The following RNF19A variants were observed in gnomAD, a reference collection of about 807,000 sequenced individuals.
RNF19A encodes E3 ubiquitin-protein ligase RNF19A.
RNF19A carries 32 observed loss-of-function variants against 75.7 expected under a neutral mutation model. The observed-to-expected ratio is 0.42, with a 90% CI of 0.32 to 0.57. The LOEUF is 0.57. Ranked by LOEUF, RNF19A falls within the 20% of genes least tolerant of loss-of-function variation. The pLI is 0.10. For missense variants in RNF19A, 782 were observed against 1,036.3 expected (o/e 0.75, Z 3.37); for synonymous variants, 335 against 345.2 (o/e 0.97, Z 0.33).
intron 1 of RNF19A, among the ~76,000 whole-genome samples, chr8:100,290,089 T>C (rs1038577021): frequency 4.6e-5 from 7 of 152,338 alleles, no homozygotes; most frequent in Middle Eastern, 6.8e-3. Flanking sequence ...GGATTGTGGC[T>C]ACATTTTGTG....
At position 100,292,509 on chromosome 8, in the gene RNF19A, G is replaced by A. The variant is rs573288320; in HGVS notation, c.-93-4242C>T. Among the ~76,000 whole-genome samples the A allele has an allele frequency of 3.3e-5, 5 of 151,410 alleles. 1 individual carries two copies. The Middle Eastern group carries it at 0.017, about 515-fold the overall frequency. On this transcript the variant is annotated intron_variant, in intron 1 of 9. Transcript: ENST00000341084. ...TTTGACTATATGGCAATTTTCCAATGTAGAAATTTCAAAAGTTTTTAACGT... is the reference window on the plus strand; with the variant it reads ...TTTGACTATATGGCAATTTTCCAATATAGAAATTTCAAAAGTTTTTAACGT...
At chr8:100,319,786 T>G (rs1159928752) in intron 1 of RNF19A, among the ~76,000 whole-genome samples, 1 of 151,282 alleles carries the variant, frequency 6.6e-6, no homozygotes, top group Non-Finnish European at 1.5e-5. Flanking sequence ...TACCTCAGCC[T>G]CCCAAAGTGC....
chr8:100,325,778 C>CAT lies in RNF19A; in HGVS notation c.-243+10329_-243+10330insAT. On this transcript the variant is annotated intron_variant, in intron 1 of 3. Transcript: ENST00000519527. This position sits in a 1 kb window ranked among gnomAD's most constrained non-coding sequence, Gnocchi z 4.3. ...TGTGAGTATGTATTACACACACACACACACATTTATATCCATAAAATCTAA... is the reference window on the plus strand; with the variant it reads ...TGTGAGTATGTATTACACACACACACATACACATTTATATCCATAAAATCTAA... 6.6e-6 allele frequency among the ~76,000 whole-genome samples: 1 copy of CAT among 152,060 alleles called. No individual in the cohort carries two copies. The highest frequency in any genetic ancestry group is 1.9e-4 in the East Asian group (1 of 5,194).
Position 100,331,482 on chromosome 8 carries a change from T to TA in RNF19A, c.-243+4625dup, listed in dbSNP as rs1323086810. Among the ~76,000 whole-genome samples, 8 of 151,744 alleles carry TA rather than the reference T, an allele frequency of 5.3e-5. No individual in the cohort carries two copies. Among genetic ancestry groups the TA allele is most frequent in the African/African-American group, 1.7e-4 (7 of 41,348 alleles). On this transcript the variant is annotated intron_variant, in intron 1 of 3. Transcript: ENST00000519527. The surrounding 1 kb of genome is among the most constrained non-coding windows in gnomAD (Gnocchi z 5.2). ...GAAACTCCATCTCTACAAAATATTTTAAAAAGTAGCTGGGCATGGTGGCAT... is the reference window on the plus strand; with the variant it reads ...GAAACTCCATCTCTACAAAATATTTTAAAAAAGTAGCTGGGCATGGTGGCAT...
At chr8:100,309,217 T>C (rs1201494082) in intron 1 of RNF19A, 3 of 695,560 alleles carry the variant, frequency 4.3e-6, no homozygotes, top group Non-Finnish European at 5.3e-6. Flanking sequence ...CGTTAACACA[T>C]ACTTCACCCC....
At chr8:100,313,301 G>A (rs1003779488), upstream of RNF19A, 19 of 982,966 alleles carry the variant, frequency 1.9e-5, no homozygotes, top group Non-Finnish European at 2.2e-5. Context: ...CAGAGTAACA[G>A]AAACCAAAGA....
chr8:100,264,019 G>C lies in RNF19A; in HGVS notation c.1468+15C>G, dbSNP rs1038243224. 3 of 1,606,112 alleles carry C rather than the reference G, an allele frequency of 1.9e-6. No homozygotes were observed. Among genetic ancestry groups the C allele is most frequent in the East Asian group, 2.2e-5 (1 of 44,794 alleles). On this transcript the variant is annotated intron_variant, in intron 7 of 9. Coordinates refer to ENST00000341084, the MANE Select transcript of RNF19A (RefSeq NM_183419.4). This position sits in a 1 kb window ranked among gnomAD's most constrained non-coding sequence, Gnocchi z 4.7. ...GTTAATAAGCACATTTTCTTCCTTTGCTTAAAGGACTTACCTACAGCTGTG... is the reference window on the plus strand; with the variant it reads ...GTTAATAAGCACATTTTCTTCCTTTCCTTAAAGGACTTACCTACAGCTGTG...
intron 1 of RNF19A, among the ~76,000 whole-genome samples, chr8:100,298,312 G>C (rs929353572): frequency 6.6e-6 from 1 of 151,858 alleles, no homozygotes; most frequent in African/African-American, 2.4e-5. Context: ...CATTATTAAA[G>C]TACACGAATT....
chr8:100,280,344 T>A (rs1428019545), intron 2 of RNF19A, among the ~76,000 whole-genome samples: 1 of 152,066 alleles, frequency 6.6e-6, no homozygotes, highest in African/African-American at 2.4e-5. Context: ...ATTATACATA[T>A]GTAGTGTTTG....
At chr8:100,277,228 A>C (rs1820564540) in intron 2 of RNF19A, among the ~76,000 whole-genome samples, 1 of 152,226 alleles carries the variant, frequency 6.6e-6, no homozygotes, top group South Asian at 2.1e-4. Flanking sequence ...GATTGCAATT[A>C]AGTTTTAAGA....
chr8:100,310,695 C>CTTA (rs1822271708), upstream of RNF19A, among the ~76,000 whole-genome samples: 1 of 152,208 alleles, frequency 6.6e-6, no homozygotes. Flanking sequence ...AGGAACAGTA[C>CTTA]TTAGCCACAA....
chr8:100,263,936 G>A, intron 7 of RNF19A, 98 bp downstream of exon 7: 1 of 992,594 alleles, frequency 1.0e-6, no homozygotes. Context: ...CCTAGTAAAA[G>A]GATGGCAATG....
intron 1 of RNF19A, among the ~76,000 whole-genome samples, chr8:100,319,769 G>A (rs1283618937): frequency 2.9e-4 from 41 of 142,206 alleles, no homozygotes; most frequent in East Asian, 1.3e-3. Flanking sequence ...ACCTCAGGTG[G>A]CCCAACTACC....
At chr8:100,306,466 A>G in intron 1 of RNF19A, among the ~76,000 whole-genome samples, 1 of 152,224 alleles carries the variant, frequency 6.6e-6, no homozygotes, top group East Asian at 1.9e-4. Context: ...AATGGTTTTA[A>G]GGCTAATGGC....
intron 1 of RNF19A, among the ~76,000 whole-genome samples, chr8:100,328,126 C>T (rs1412096216): frequency 6.6e-6 from 1 of 152,086 alleles, no homozygotes; most frequent in Non-Finnish European, 1.5e-5. Flanking sequence ...CACTCTCCAC[C>T]CACTCCTCAC....
chr8:100,265,945 T>C (rs1236387226), intron 5 of RNF19A, among the ~76,000 whole-genome samples: 2 of 152,204 alleles, frequency 1.3e-5, no homozygotes, highest in African/African-American at 4.8e-5. Flanking sequence ...AGCTAATTCC[T>C]GCTCCTCCCC....
upstream of RNF19A, chr8:100,310,227 C>T (rs913379916): frequency 1.1e-5 from 11 of 985,096 alleles, no homozygotes; most frequent in African/African-American, 1.7e-5. Flanking sequence ...ACCGGGCCCG[C>T]TGCGGGCGGC....
intron 1 of RNF19A, among the ~76,000 whole-genome samples, chr8:100,302,766 A>G (rs1417878946): frequency 6.6e-6 from 1 of 152,212 alleles, no homozygotes; most frequent in Non-Finnish European, 1.5e-5. Context: ...TACACTTTAA[A>G]GAAGACAAAA....
intron 3 of RNF19A, 58 bp from the exon 4 acceptor site, chr8:100,270,071 T>C: frequency 7.2e-7 from 1 of 1,381,946 alleles, no homozygotes; most frequent in African/African-American, 1.5e-5. Context: ...AAATAACTTC[T>C]AGCAGTTTAC....
Sources: allele counts gnomAD v4.1 joint callset (sites outside exome capture counted in the v4.1 genomes callset), GRCh38; gene constraint gnomAD v4.1.1; non-coding constraint Gnocchi (gnomAD v3.1); transcripts MANE v1.5; gene names NCBI Gene and HGNC (gene_info 2026-07-23, HGNC 2026-07-21).